SLC12A3: variants seen among roughly 807,000 people sequenced by gnomAD.
SLC12A3 encodes Na-Cl cotransporter.
A neutral mutation model predicts 121.0 loss-of-function variants in SLC12A3; 104 were observed. That is an observed-to-expected ratio of 0.86 (90% CI 0.73 to 1.01). The LOEUF is 1.01. Ranked by LOEUF, SLC12A3 falls within the 50% of genes least tolerant of loss-of-function variation. The pLI is 0.00. For synonymous variants in SLC12A3, 536 were observed against 533.4 expected (o/e 1.00, Z -0.07); for missense variants, 1,328 against 1,356.3 (o/e 0.98, Z 0.33).
At chr16:56,886,208 C>T (rs1255140701) in intron 15 of SLC12A3, among the ~76,000 whole-genome samples, 156 bp from the exon 16 acceptor site, 1 of 152,198 alleles carries the variant, frequency 6.6e-6, no homozygotes, top group Non-Finnish European at 1.5e-5. Flanking sequence ...CCCCAAAAGT[C>T]ACCCTGGATT....
At chr16:56,883,033 C>T (rs8043560) in intron 13 of SLC12A3, among the ~76,000 whole-genome samples, 105,844 of 151,992 alleles carry the variant, frequency 0.7, 37,676 homozygotes, top group African/African-American at 0.85. Context: ...TCATACATTG[C>T]TTACCATCTG....
chr16:56,876,715 C>A (rs1322651549), intron 8 of SLC12A3, among the ~76,000 whole-genome samples: 5 of 152,212 alleles, frequency 3.3e-5, no homozygotes, highest in African/African-American at 4.8e-5. Flanking sequence ...TTGACTTGCT[C>A]CTAATCTGCG....
chr16:56,888,779 C>G (rs1321809955), intron 18 of SLC12A3, among the ~76,000 whole-genome samples: 1 of 151,996 alleles, frequency 6.6e-6, no homozygotes, highest in Non-Finnish European at 1.5e-5. Flanking sequence ...AGGATGGTCT[C>G]GATCTCCTGA....
At chr16:56,912,772 G>T (rs1159188204) in intron 25 of SLC12A3, among the ~76,000 whole-genome samples, 1 of 152,174 alleles carries the variant, frequency 6.6e-6, no homozygotes, top group African/African-American at 2.4e-5. Context: ...GCAGTAAAGT[G>T]GGGTGATGTG....
rs747139582 is a variant in SLC12A3 at position 56,879,080 on chromosome 16, C to A, written c.1188C>A (p.Cys396Ter). ...YLAISATIGS[C>*]VVRDASGVLN... Reference sequence around the variant, plus strand: ...TCTCCTTCCTCCTCTCAGGCTCCTGCGTGGTGCGTGATGCCTCTGGGGTCC... The same window carrying A: ...TCTCCTTCCTCCTCTCAGGCTCCTGAGTGGTGCGTGATGCCTCTGGGGTCC... The change falls in exon 10 of 26, where the codon TGC becomes TGA. Residue 396 changes from cysteine to a stop codon, truncating the protein, a stop_gained. Coordinates refer to ENST00000563236, the MANE Select transcript of SLC12A3 (RefSeq NM_001126108.2). LOFTEE classifies it high-confidence loss of function. The A allele has an allele frequency of 2.5e-6, 4 of 1,609,954 alleles. No homozygotes were observed. The highest frequency in any genetic ancestry group is 1.7e-5 in the Admixed American group (1 of 59,460).
intron 22 of SLC12A3, among the ~76,000 whole-genome samples, chr16:56,897,601 C>T (rs982704419): frequency 1.3e-5 from 2 of 152,234 alleles, no homozygotes; most frequent in African/African-American, 4.8e-5. Context: ...TCTGCCTTCT[C>T]TGTGATCTCC....
At position 56,870,201 on chromosome 16, in the gene SLC12A3, T is replaced by C; in HGVS notation, c.707T>C (p.Val236Ala). ...GCCGTGGGTGTGGCCATGCACACGG[T>C]GGGCTTTGCAGAGACCGTGCGGGAC... ...ANAVGVAMHT[V>A]GFAETVRDLL... The change falls in exon 5 of 26, where the codon GTG becomes GCG. Residue 236 changes from valine to alanine, a missense_variant. Transcript: ENST00000563236. The C allele has an allele frequency of 6.2e-7, 1 of 1,613,898 alleles. No individual in the cohort carries two copies. The highest frequency in any genetic ancestry group is 8.5e-7 in the Non-Finnish European group (1 of 1,180,028).
intron 2 of SLC12A3, 26 bp from the exon 3 acceptor site, chr16:56,868,271 G>A (rs758181055): frequency 1.2e-6 from 2 of 1,611,988 alleles, no homozygotes; most frequent in Non-Finnish European, 1.7e-6. Context: ...CCACCCAGGT[G>A]GCCTCTGACC....
chr16:56,889,757 A>G (rs553893429), intron 18 of SLC12A3, among the ~76,000 whole-genome samples: 1 of 152,218 alleles, frequency 6.6e-6, no homozygotes, highest in East Asian at 1.9e-4. Context: ...TTACAGGCGT[A>G]AACCACTGCG....
Position 56,878,961 on chromosome 16 carries a change from A to G in SLC12A3, c.1181-112A>G, listed in dbSNP as rs1172180685. The stretch of plus-strand genomic sequence containing the variant: ...TGTCATCATTATCATTGCATAATGA[A>G]GGGACAGCTGCCCATCATCTGCAGC... On this transcript the variant is annotated intron_variant, in intron 9 of 25. Coordinates refer to ENST00000563236, the MANE Select transcript of SLC12A3 (RefSeq NM_001126108.2). 6.3e-6 allele frequency: 8 copies of G among 1,273,720 alleles called. No individual in the cohort carries two copies. The African/African-American group carries it at 1.0e-4, about 16-fold the overall frequency. 78.9% of individuals were successfully genotyped at this position (1,273,720 alleles called of 1,614,324 possible).
intron 7 of SLC12A3, 68 bp from the exon 8 acceptor site, chr16:56,872,588 C>T (rs2055112387): frequency 6.2e-7 from 1 of 1,611,930 alleles, no homozygotes. Flanking sequence ...GCTGCCTGCC[C>T]AGTGGGTCCC....
chr16:56,867,622 G>A (rs1192931969), intron 2 of SLC12A3, among the ~76,000 whole-genome samples: 1 of 152,216 alleles, frequency 6.6e-6, no homozygotes, highest in African/African-American at 2.4e-5. Context: ...TGCTCCGGGA[G>A]GCAGGAGGCT....
rs944777397 is a variant in SLC12A3 at position 56,883,627 on chromosome 16, T to C, written c.1670-422T>C. Among the ~76,000 whole-genome samples the C allele has an allele frequency of 5.3e-5, 8 of 152,180 alleles. No homozygotes were observed. In the East Asian group the frequency reaches 1.5e-3, roughly 29 times the overall value. On this transcript the variant is annotated intron_variant, in intron 13 of 25. Transcript: ENST00000563236. Reference sequence around the variant, plus strand: ...CCATTGTCTTTTACTAGGCCACCTTTTACATAGATCCCAATGTGTATGATG... The same window carrying C: ...CCATTGTCTTTTACTAGGCCACCTTCTACATAGATCCCAATGTGTATGATG...
At chr16:56,902,728 T>A (rs1031518672) in intron 24 of SLC12A3, among the ~76,000 whole-genome samples, 10 of 152,128 alleles carry the variant, frequency 6.6e-5, no homozygotes, top group Non-Finnish European at 1.3e-4. Flanking sequence ...CTCCTGCCCA[T>A]CTTGAGTGAG....
chr16:56,869,861 G>A (rs758052156), intron 4 of SLC12A3, 37 bp downstream of exon 4: 48 of 1,568,504 alleles, frequency 3.1e-5, no homozygotes, highest in Non-Finnish European at 3.9e-5. Flanking sequence ...CCCTCCTCTC[G>A]TGGGCTCCTA....
At position 56,878,141 on chromosome 16, in the gene SLC12A3, T is replaced by C. The variant is rs1299551027; in HGVS notation, c.1160T>C (p.Leu387Pro). 4.4e-6 allele frequency: 7 copies of C among 1,587,548 alleles called. No homozygotes were observed. The highest frequency in any genetic ancestry group is 1.4e-5 in the African/African-American group (1 of 73,766). The stretch of plus-strand genomic sequence containing the variant: ...ATTTTCTGGACGACCATTTCCTACC[T>C]GGCCATCTCAGCCACCATTGGTAAG... ...MAIFWTTISY[L>P]AISATIGSCV... The change falls in exon 9 of 26, where the codon CTG becomes CCG. Residue 387 changes from leucine to proline, a missense_variant. Physicochemically the swap from Leu to Pro is moderately conservative, Grantham distance 98 (BLOSUM62 -3). Transcript: ENST00000563236.
Position 56,878,201 on chromosome 16 carries a change from T to A in SLC12A3, c.1180+40T>A, listed in dbSNP as rs767073721. On this transcript the variant is annotated intron_variant, in intron 9 of 25. Coordinates refer to ENST00000563236, the MANE Select transcript of SLC12A3 (RefSeq NM_001126108.2). ...CAGCCAGTCAGGAGGGGGAGGGACCTGGCCTCCACCCTGCAGTGTCCCAAA... is the reference window on the plus strand; with the variant it reads ...CAGCCAGTCAGGAGGGGGAGGGACCAGGCCTCCACCCTGCAGTGTCCCAAA... 5 of 1,460,380 alleles carry A rather than the reference T, an allele frequency of 3.4e-6. No individual in the cohort carries two copies. In the African/African-American group the frequency reaches 7.0e-5, roughly 20 times the overall value. 90.5% of individuals were successfully genotyped at this position (1,460,380 alleles called of 1,614,324 possible). A position where few individuals can be genotyped will look rare whatever the true frequency, so the allele number is the denominator to read the frequency against.
At chr16:56,878,978 A>T in intron 9 of SLC12A3, 95 bp from the exon 10 acceptor site, 1 of 1,445,346 alleles carries the variant, frequency 6.9e-7, no homozygotes, top group South Asian at 1.2e-5. Context: ...GCTGCCCATC[A>T]TCTGCAGCAC....
At chr16:56,879,461 G>T in intron 10 of SLC12A3, 81 bp from the exon 11 acceptor site, 1 of 1,241,110 alleles carries the variant, frequency 8.1e-7, no homozygotes. Flanking sequence ...GCCCCTGCCC[G>T]CAGTAGGGAA....
Sources: gnomAD v4.1 joint callset for allele counts (sites outside exome capture counted in the v4.1 genomes callset) on GRCh38, gnomAD v4.1.1 for gene constraint, MANE v1.5 for transcripts, NCBI Gene and HGNC (gene_info 2026-07-23, HGNC 2026-07-21) for gene names.